ZNF423: variants seen among roughly 807,000 people sequenced by gnomAD.
ZNF423 encodes the protein zinc finger protein 423.
A neutral mutation model predicts 95.8 loss-of-function variants in ZNF423; 12 were observed. The observed-to-expected ratio is 0.13, with a 90% CI of 0.08 to 0.20. The LOEUF is 0.20. ZNF423 is among the 10% of genes least tolerant of loss of function. ZNF423 has a pLI of 1.00. For synonymous variants in ZNF423, 749 were observed against 711.9 expected, an observed-to-expected ratio of 1.05 and a Z score of -0.83; for missense variants, 1,316 against 1,737.1, an observed-to-expected ratio of 0.76 and a Z score of 4.31.
intron 5 of ZNF423, among the ~76,000 whole-genome samples, chr16:49,615,624 C>T (rs1253943155): frequency 2.0e-5 from 3 of 152,078 alleles, no homozygotes; most frequent in Non-Finnish European, 2.9e-5. Flanking sequence ...TGAAACAACC[C>T]TGTGTGGGGC....
At chr16:49,632,090 G>A (rs940652336) in intron 4 of ZNF423, among the ~76,000 whole-genome samples, 5 of 152,206 alleles carry the variant, frequency 3.3e-5, no homozygotes, top group Non-Finnish European at 7.4e-5. Flanking sequence ...CCACCTAGCA[G>A]AGAAAGGCAC....
At chr16:49,681,372 G>A (rs774820935) in intron 3 of ZNF423, among the ~76,000 whole-genome samples, 4 of 152,198 alleles carry the variant, frequency 2.6e-5, no homozygotes, top group African/African-American at 7.2e-5. Flanking sequence ...TTTCTTCCCC[G>A]TCAGCAGGAG....
chr16:49,765,677 GC>G (rs1214453875), intron 2 of ZNF423, among the ~76,000 whole-genome samples: 1 of 152,078 alleles, frequency 6.6e-6, no homozygotes, highest in Non-Finnish European at 1.5e-5. Context: ...CCATGATCGC[GC>G]CACTGCACTC....
chr16:49,564,754 G>A (rs1452876438), intron 5 of ZNF423, among the ~76,000 whole-genome samples: 1 of 152,212 alleles, frequency 6.6e-6, no homozygotes, highest in Non-Finnish European at 1.5e-5. Context: ...TCCCAAGACA[G>A]ATGCCTGGAG....
At chr16:49,757,259 T>C (rs191690650) in intron 2 of ZNF423, among the ~76,000 whole-genome samples, 1 of 152,332 alleles carries the variant, frequency 6.6e-6, no homozygotes, top group African/African-American at 2.4e-5. Context: ...TATTGGAGAT[T>C]CCATAGGTTC....
intron 5 of ZNF423, among the ~76,000 whole-genome samples, chr16:49,531,295 G>A (rs990937299): frequency 3.3e-5 from 5 of 151,572 alleles, no homozygotes; most frequent in Admixed American, 6.6e-5. Context: ...TCTAGTATCA[G>A]GTCAAGTCCT....
intron 3 of ZNF423, among the ~76,000 whole-genome samples, chr16:49,724,346 G>A (rs927895096): frequency 2.0e-5 from 3 of 152,182 alleles, no homozygotes; most frequent in African/African-American, 4.8e-5. Context: ...GATAGGGGGC[G>A]GATATCAATT....
chr16:49,503,232 A>G (rs959785805), intron 7 of ZNF423, among the ~76,000 whole-genome samples: 4 of 152,292 alleles, frequency 2.6e-5, no homozygotes, highest in South Asian at 2.1e-4. Flanking sequence ...CCCAGGACGC[A>G]AGGGCCCCTT....
chr16:49,731,216 G>A, intron 2 of ZNF423: 1 of 659,670 alleles, frequency 1.5e-6, no homozygotes, highest in Non-Finnish European at 1.9e-6. Context: ...TCTCCCCTCT[G>A]TGCACGGATG....
intron 2 of ZNF423, among the ~76,000 whole-genome samples, chr16:49,732,728 A>G (rs757179268): frequency 9.9e-5 from 15 of 152,228 alleles, no homozygotes; most frequent in Non-Finnish European, 1.6e-4. Context: ...GAATATTTCA[A>G]TTTGGAAACA....
chr16:49,522,394 C>T (rs776181212), intron 7 of ZNF423, among the ~76,000 whole-genome samples: 1 of 152,132 alleles, frequency 6.6e-6, no homozygotes, highest in African/African-American at 2.4e-5. Context: ...TCAGTGACTA[C>T]GGAAACGTGG....
At chr16:49,776,257 G>A (rs1272905762) in intron 2 of ZNF423, among the ~76,000 whole-genome samples, 1 of 152,218 alleles carries the variant, frequency 6.6e-6, no homozygotes, top group Non-Finnish European at 1.5e-5. Flanking sequence ...GAACAGGAAC[G>A]CTGAGCCGAC....
intron 3 of ZNF423, 35 bp downstream of exon 3, chr16:49,730,736 C>A (rs750871781): frequency 6.2e-7 from 1 of 1,612,238 alleles, no homozygotes; most frequent in Non-Finnish European, 8.5e-7. Context: ...ACCCGTGTAA[C>A]CACCTGTCAG....
chr16:49,765,400 A>G (rs1038831668), intron 2 of ZNF423, among the ~76,000 whole-genome samples: 2 of 152,176 alleles, frequency 1.3e-5, no homozygotes, highest in African/African-American at 4.8e-5. Flanking sequence ...TTCATGTGAC[A>G]TATATTTTAC....
intron 1 of ZNF423, chr16:49,854,764 A>C: frequency 1.0e-6 from 1 of 985,342 alleles, no homozygotes; most frequent in East Asian, 1.1e-4. Flanking sequence ...TCTACTCTCC[A>C]GGGGTCCCCT....
Position 49,770,573 on chromosome 16 carries a change from GC to G in ZNF423, c.100+18913del, listed in dbSNP as rs754599358. On this transcript the variant is annotated intron_variant, in intron 2 of 7. Transcript: ENST00000563137. Reference sequence around the variant, plus strand: ...GGATAGGGGTTCATGGAAAGGACAGGCCCCCCCAGAAGACTCACGTGCAAAG... The same window carrying G: ...GGATAGGGGTTCATGGAAAGGACAGGCCCCCCAGAAGACTCACGTGCAAAG... Among the ~76,000 whole-genome samples, 6 of 151,860 alleles carry G rather than the reference GC, an allele frequency of 4.0e-5. No individual in the cohort carries two copies. The East Asian group carries it at 7.7e-4, about 20-fold the overall frequency.
At position 49,855,498 on chromosome 16, in the gene ZNF423, G is replaced by C. The variant is rs1484875164; in HGVS notation, c.40+237C>G. Among the ~76,000 whole-genome samples, 1 of 145,530 alleles carries C rather than the reference G, an allele frequency of 6.9e-6. No homozygotes were observed. Among genetic ancestry groups the C allele is most frequent in the African/African-American group, 2.6e-5 (1 of 38,800 alleles). ...CCGAGTCCGGGCAGGGAGGGTGTCC[G>C]CGGCGTACCCCCTCCGCCGCCGCCG... On this transcript the variant is annotated intron_variant, in intron 1 of 7. Coordinates refer to ENST00000563137, the MANE Select transcript of ZNF423 (RefSeq NM_001379286.1). The surrounding 1 kb of genome is among the most constrained non-coding windows in gnomAD (Gnocchi z 4.7).
chr16:49,768,291 C>A (rs575198466), intron 2 of ZNF423, among the ~76,000 whole-genome samples: 9 of 152,356 alleles, frequency 5.9e-5, no homozygotes, highest in African/African-American at 2.2e-4. Context: ...GACGAGAGTT[C>A]ATTTCATTAA....
At chr16:49,621,430 A>T (rs1972077370) in intron 5 of ZNF423, among the ~76,000 whole-genome samples, 1 of 152,144 alleles carries the variant, frequency 6.6e-6, no homozygotes, top group East Asian at 1.9e-4. Flanking sequence ...CCAAGGAGAC[A>T]TGTCCCTGAG....
Sources: allele counts gnomAD v4.1 joint callset (sites outside exome capture counted in the v4.1 genomes callset), GRCh38; gene constraint gnomAD v4.1.1; non-coding constraint Gnocchi (gnomAD v3.1); transcripts MANE v1.5; gene names NCBI Gene and HGNC (gene_info 2026-07-23, HGNC 2026-07-21).